The following ADNP variants were observed in gnomAD, a reference collection of about 807,000 sequenced individuals.
ADNP encodes the protein activity-dependent neuroprotector homeobox protein.
A neutral mutation model predicts 84.9 loss-of-function variants in ADNP; 4 were observed. That is an observed-to-expected ratio of 0.05 (90% confidence interval 0.02 to 0.11). The LOEUF (loss-of-function observed/expected upper bound fraction) is 0.11. Among genes scored for constraint, ADNP ranks in the 10% least tolerant of loss-of-function variants. ADNP has a pLI of 1.00. For synonymous variants in ADNP, 554 were observed against 468.1 expected, an observed-to-expected ratio of 1.18 and a Z score of -2.37; for missense variants, 1,132 against 1,326.0, an observed-to-expected ratio of 0.85 and a Z score of 2.27.
intron 2 of ADNP, among the ~76,000 whole-genome samples, chr20:50,927,239 T>C (rs990200114): frequency 2.6e-5 from 4 of 152,112 alleles, no homozygotes; most frequent in Admixed American, 2.6e-4. Flanking sequence ...AAATTCACAG[T>C]GGGCATGTAT....
At chr20:50,923,172 G>A (rs1226672897) in intron 2 of ADNP, among the ~76,000 whole-genome samples, 1 of 152,110 alleles carries the variant, frequency 6.6e-6, no homozygotes, top group African/African-American at 2.4e-5. Flanking sequence ...ACCACAAGAG[G>A]ACACGCAGAT....
intron 2 of ADNP, among the ~76,000 whole-genome samples, chr20:50,918,465 C>T (rs1983681843): frequency 6.6e-6 from 1 of 152,016 alleles, no homozygotes; most frequent in Non-Finnish European, 1.5e-5. Context: ...ATTAATGGAA[C>T]CTAGGTGGCC....
intron 5 of ADNP, 86 bp from the exon 6 acceptor site, chr20:50,894,598 A>G: frequency 7.0e-7 from 1 of 1,436,254 alleles, no homozygotes; most frequent in East Asian, 2.4e-5. Context: ...TATTCTTAAT[A>G]ATGCATTGAT....
At chr20:50,898,652 A>C (rs1470309536) in intron 5 of ADNP, among the ~76,000 whole-genome samples, 3 of 152,212 alleles carry the variant, frequency 2.0e-5, no homozygotes, top group African/African-American at 7.2e-5. Flanking sequence ...TTCCAGGTCA[A>C]TCACTCAACA....
chr20:50,895,409 A>G (rs1218451040), intron 5 of ADNP, among the ~76,000 whole-genome samples: 1 of 152,264 alleles, frequency 6.6e-6, no homozygotes, highest in Admixed American at 6.5e-5. Flanking sequence ...AGGTACAGTA[A>G]AAATACAATG....
chr20:50,897,810 A>T (rs964168703), intron 5 of ADNP, among the ~76,000 whole-genome samples: 3 of 152,222 alleles, frequency 2.0e-5, no homozygotes, highest in African/African-American at 7.2e-5. Context: ...AATAAGCAAA[A>T]GCTTGAAGGG....
chr20:50,894,247 T>C lies in ADNP; in HGVS notation c.467A>G (p.Gln156Arg). 6.2e-7 allele frequency: 1 copy of C among 1,614,192 alleles called. No homozygotes were observed. The highest frequency in any genetic ancestry group is 8.5e-7 in the Non-Finnish European group (1 of 1,180,036). The change falls in exon 6 of 6, where the codon CAG (glutamine) becomes CGG (arginine). Residue 156 changes from glutamine to arginine, a missense_variant. By Grantham distance (43) the Gln-to-Arg change is conservative. This residue lies in a region of ADNP where 130 missense variants were observed against 183.7 expected (regional missense o/e 0.71). Transcript: ENST00000621696. ...AACAGCTTGCTCTACACTGTCAGCC[T>C]GCTTAGGTTTAAGGCCATCATTTTT... The part of the protein sequence containing the change: ...KNKNDGLKPK[Q>R]ADSVEQAVYY...
At position 50,892,187 on chromosome 20, in the gene ADNP, C is replaced by G. The variant is rs1568704616; in HGVS notation, c.2527G>C (p.Glu843Gln). 5.0e-6 allele frequency: 8 copies of G among 1,614,066 alleles called. No individual in the cohort carries two copies. The African/African-American group carries it at 9.3e-5, about 19-fold the overall frequency. ...KVKHEMDFDA[E>Q]WLFENHDEKD... is the part of the protein sequence containing the mutation. ...TCATCATGATTTTCAAATAGCCACTCAGCATCAAAATCCATCTCATGCTTG... is the reference window on the plus strand; with the variant it reads ...TCATCATGATTTTCAAATAGCCACTGAGCATCAAAATCCATCTCATGCTTG... The change falls in exon 6 of 6, where the codon GAG (glutamate) becomes CAG (glutamine). Residue 843 changes from glutamate (E) to glutamine (Q), a missense_variant. This residue lies in a region of ADNP where 381 missense variants were observed against 319.9 expected (regional missense o/e 1.19). Transcript: ENST00000621696.
rs1980585528 is a variant in ADNP at position 50,890,546 on chromosome 20, A to G, written c.*859T>C. On this transcript the variant is annotated 3_prime_UTR_variant, in exon 6 of 6. Coordinates refer to ENST00000621696, the MANE Select transcript of ADNP (RefSeq NM_001282531.3). ...TTGGTTTGCTGCTTCAACACAACAC[A>G]CTTTTATACAGATCTAAAAGGTGTC... is the stretch of plus-strand genomic sequence containing the variant. 1 of 152,664 alleles carries G rather than the reference A, an allele frequency of 6.6e-6. No homozygotes were observed. Among genetic ancestry groups the G allele is most frequent in the South Asian group, 2.1e-4 (1 of 4,830 alleles). 9.5% of individuals were successfully genotyped at this position (152,664 alleles called of 1,614,324 possible).
At chr20:50,906,735 G>GT (rs1982509895) in intron 2 of ADNP, among the ~76,000 whole-genome samples, 1 of 152,146 alleles carries the variant, frequency 6.6e-6, no homozygotes, top group Non-Finnish European at 1.5e-5. Flanking sequence ...TTCTGAAAAA[G>GT]TGAGTATGCC....
intron 2 of ADNP, among the ~76,000 whole-genome samples, chr20:50,911,665 G>GT (rs1419439151): frequency 6.6e-6 from 1 of 151,966 alleles, no homozygotes; most frequent in African/African-American, 2.4e-5. Context: ...TGGTAGTTCT[G>GT]CAGAGCTACC....
chr20:50,894,156 C>A lies in ADNP; in HGVS notation c.558G>T (p.Arg186Ser). The change falls in exon 6 of 6, where the codon AGG becomes AGT. Residue 186 changes from arginine (R) to serine (S), a missense_variant. Transcript: ENST00000621696. Reference sequence around the variant, plus strand: ...GTGCTGCCACATGCTGAAAATGTTCCCTGTAAATGTGCTTCCTAACTATTT... The same window carrying A: ...GTGCTGCCACATGCTGAAAATGTTCACTGTAAATGTGCTTCCTAACTATTT... ...LYEIVRKHIY[R>S]EHFQHVAAPY... 1 of 1,614,072 alleles carries A rather than the reference C, an allele frequency of 6.2e-7. No homozygotes were observed. Among genetic ancestry groups the A allele is most frequent in the Non-Finnish European group, 8.5e-7 (1 of 1,180,000 alleles).
In ADNP at chr20:50,890,804, C is replaced by G. The variant is rs1980612965; in HGVS notation, c.*601G>C. The G allele has an allele frequency of 1.8e-6, 1 of 568,722 alleles. No individual in the cohort carries two copies. The highest frequency in any genetic ancestry group is 2.2e-6 in the Non-Finnish European group (1 of 449,472). The allele number at this position is 568,722 out of a possible 1,614,324, so 35.2% of individuals were successfully genotyped here. A position where few individuals can be genotyped will look rare whatever the true frequency, so the allele number is the denominator to read the frequency against. ...ACTAAGTCTGTCCAAAAAGTCCATA[C>G]TAGCGCAGTTTTGAGCTTTTGCTAG... On this transcript the variant is annotated 3_prime_UTR_variant, in exon 6 of 6. Transcript: ENST00000621696.
chr20:50,892,518 T>C lies in ADNP; in HGVS notation c.2196A>G (p.Leu732=). ...MEFPLLKKRK[L]DDDSDSPSFF... is the part of the protein sequence containing the mutation. Reference sequence around the variant, plus strand: ...AGCTGGGTGAATCACTATCATCATCTAACTTTCGTTTTTTCAGTAAGGGAA... The same window carrying C: ...AGCTGGGTGAATCACTATCATCATCCAACTTTCGTTTTTTCAGTAAGGGAA... Residue 732 remains leucine, a synonymous_variant, in exon 6 of 6, where the codon TTA becomes TTG. Transcript: ENST00000621696. The C allele has an allele frequency of 6.2e-7, 1 of 1,614,240 alleles. No individual in the cohort carries two copies. The highest frequency in any genetic ancestry group is 8.5e-7 in the Non-Finnish European group (1 of 1,180,042).
rs1422044499 is a variant in ADNP at position 50,892,104 on chromosome 20, C to T, written c.2610G>A (p.Lys870=). 4.3e-6 allele frequency: 7 copies of T among 1,614,024 alleles called. No individual in the cohort carries two copies. Among genetic ancestry groups the T allele is most frequent in the Admixed American group, 3.3e-5 (2 of 59,998 alleles). Residue 870 remains lysine (K), a synonymous_variant, in exon 6 of 6, where the codon AAG becomes AAA. Coordinates refer to ENST00000621696, the MANE Select transcript of ADNP (RefSeq NM_001282531.3). ...KTADKKLNLG[K]EDDSSSDSFE... ...AACTGTCTGAGGAACTGTCATCTTC[C>T]TTCCCAAGGTTGAGCTTTTTGTCAG...
At chr20:50,930,671 G>T (rs542345323) in intron 1 of ADNP, among the ~76,000 whole-genome samples, 155 bp downstream of exon 1, 141 of 152,134 alleles carry the variant, frequency 9.3e-4, no homozygotes, top group African/African-American at 3.0e-3. Context: ...CGGCGCCGGG[G>T]TGTGCAAAGG....
chr20:50,919,136 G>A (rs1983736582), intron 2 of ADNP, among the ~76,000 whole-genome samples: 1 of 151,860 alleles, frequency 6.6e-6, no homozygotes, highest in African/African-American at 2.4e-5. Flanking sequence ...GACCTCAATT[G>A]ATGGACTAAA....
intron 2 of ADNP, among the ~76,000 whole-genome samples, chr20:50,915,616 T>A (rs765541228): frequency 6.6e-5 from 10 of 151,868 alleles, no homozygotes; most frequent in Non-Finnish European, 1.3e-4. Context: ...GCCTCCTCCT[T>A]TTCCTCCCCT....
chr20:50,917,660 A>C (rs182171454), intron 2 of ADNP, among the ~76,000 whole-genome samples: 8 of 152,302 alleles, frequency 5.3e-5, no homozygotes, highest in Admixed American at 5.2e-4. Context: ...GTCTGTTCTC[A>C]ACTACCTCCA....
Sources: gnomAD v4.1 joint callset for allele counts (sites outside exome capture counted in the v4.1 genomes callset) on GRCh38, gnomAD v4.1.1 for gene constraint, gnomAD v4.1.1 regional missense constraint, MANE v1.5 for transcripts, NCBI Gene and HGNC (gene_info 2026-07-23, HGNC 2026-07-21) for gene names.